The following PVT1 variants were observed in gnomAD, a reference collection of about 807,000 sequenced individuals.
PVT1 encodes CXCR4/PVT1 fusion.
chr8:128,007,514 G>C (rs926418780), intron 4 of PVT1, among the ~76,000 whole-genome samples: 4 of 152,002 alleles, frequency 2.6e-5, no homozygotes, highest in African/African-American at 9.7e-5. Context: ...GAAAAGATAA[G>C]TTGTAGTACC....
At chr8:127,930,000 A>T (rs932624420) in intron 3 of PVT1, among the ~76,000 whole-genome samples, 3 of 152,164 alleles carry the variant, frequency 2.0e-5, no homozygotes, top group African/African-American at 7.2e-5. Context: ...AGAAAAATAC[A>T]CATGGAAGTA....
intron 2 of PVT1, among the ~76,000 whole-genome samples, chr8:127,860,858 C>T (rs1437993723): frequency 6.6e-6 from 1 of 151,720 alleles, no homozygotes; most frequent in Non-Finnish European, 1.5e-5. Flanking sequence ...GGCCATTTCT[C>T]TCCCTCCTAC....
At chr8:127,814,795 A>C (rs1288002361) in intron 2 of PVT1, among the ~76,000 whole-genome samples, 1 of 152,024 alleles carries the variant, frequency 6.6e-6, no homozygotes, top group Non-Finnish European at 1.5e-5. Context: ...ATTTTTCATC[A>C]TTCCAAACTG....
At chr8:128,023,403 C>G (rs546300857) in intron 4 of PVT1, among the ~76,000 whole-genome samples, 3 of 152,184 alleles carry the variant, frequency 2.0e-5, no homozygotes, top group Non-Finnish European at 2.9e-5. Flanking sequence ...TACTTGACCA[C>G]GCAGATATAT....
intron 3 of PVT1, among the ~76,000 whole-genome samples, chr8:127,939,271 CCT>C (rs1314735394): frequency 6.6e-6 from 1 of 152,192 alleles, no homozygotes; most frequent in Non-Finnish European, 1.5e-5. Flanking sequence ...GGCCCTGTAC[CCT>C]GATATGGGAT....
chr8:127,901,936 G>T (rs1047876308), intron 3 of PVT1, among the ~76,000 whole-genome samples: 1 of 150,112 alleles, frequency 6.7e-6, no homozygotes, highest in Non-Finnish European at 1.5e-5. Flanking sequence ...GAAAAATATC[G>T]TTAGAAATAG....
chr8:127,965,360 A>G (rs183835218), intron 3 of PVT1, among the ~76,000 whole-genome samples: 2 of 152,292 alleles, frequency 1.3e-5, no homozygotes, highest in Non-Finnish European at 2.9e-5. Context: ...TGGCAGATTC[A>G]TCAGAGCCTC....
At chr8:128,029,627 C>A (rs982763891) in intron 4 of PVT1, among the ~76,000 whole-genome samples, 1 of 152,048 alleles carries the variant, frequency 6.6e-6, no homozygotes, top group Non-Finnish European at 1.5e-5. Context: ...TGGTGAAACA[C>A]CGTCTTTACT....
chr8:127,999,354 G>C (rs894106746), intron 4 of PVT1: 6 of 152,050 alleles, frequency 3.9e-5, no homozygotes, highest in African/African-American at 1.2e-4. Context: ...ATGAATCCAT[G>C]TGCATGCACG....
At chr8:128,036,627 C>T (rs1284181369) in intron 4 of PVT1, among the ~76,000 whole-genome samples, 1 of 152,162 alleles carries the variant, frequency 6.6e-6, no homozygotes, top group Non-Finnish European at 1.5e-5. Flanking sequence ...CTGATCCTCC[C>T]GTCACTGCAG....
At chr8:127,890,481 A>T (rs887372045) in intron 2 of PVT1, 1 of 152,278 alleles carries the variant, frequency 6.6e-6, no homozygotes, top group Non-Finnish European at 1.5e-5. Flanking sequence ...AATTATTTTT[A>T]GTGAGTTACA....
chr8:128,098,479 C>T (rs572884836), intron 6 of PVT1, among the ~76,000 whole-genome samples: 1 of 152,324 alleles, frequency 6.6e-6, no homozygotes, highest in South Asian at 2.1e-4. Flanking sequence ...GACTAAACCT[C>T]ACCATCCGGT....
At chr8:127,974,592 T>A (rs1398639536) in intron 3 of PVT1, among the ~76,000 whole-genome samples, 1 of 150,856 alleles carries the variant, frequency 6.6e-6, no homozygotes, top group Non-Finnish European at 1.5e-5. Context: ...CTTTTGTATT[T>A]TTTAGTAGAG....
intron 4 of PVT1, among the ~76,000 whole-genome samples, chr8:128,007,987 G>A (rs4733826): frequency 0.65 from 98,347 of 152,130 alleles, 32,200 homozygotes; most frequent in African/African-American, 0.73. Context: ...TGTCTGAGGA[G>A]GCTGGAAATT....
intron 4 of PVT1, among the ~76,000 whole-genome samples, chr8:128,036,984 G>C (rs1813470664): frequency 6.6e-6 from 1 of 152,184 alleles, no homozygotes; most frequent in African/African-American, 2.4e-5. Flanking sequence ...TGGGACATTT[G>C]GGATGATTTT....
intron 2 of PVT1, among the ~76,000 whole-genome samples, chr8:127,797,114 G>T (rs911997705): frequency 6.6e-6 from 1 of 152,020 alleles, no homozygotes; most frequent in African/African-American, 2.4e-5. Flanking sequence ...CCAGCCTCAG[G>T]TGATCCGCCC....
intron 3 of PVT1, among the ~76,000 whole-genome samples, chr8:127,920,327 C>CT (rs1816041525): frequency 6.6e-6 from 1 of 152,218 alleles, no homozygotes; most frequent in Non-Finnish European, 1.5e-5. Context: ...TAAAAGCAAA[C>CT]TGAGTGAGGC....
chr8:128,070,821 C>T (rs1371659948), intron 5 of PVT1, among the ~76,000 whole-genome samples: 2 of 152,158 alleles, frequency 1.3e-5, no homozygotes, highest in Non-Finnish European at 2.9e-5. Context: ...ATTCTTCCCC[C>T]TGCCATGGAC....
chr8:128,009,931 G>C (rs1229961948), intron 4 of PVT1, among the ~76,000 whole-genome samples: 2 of 152,200 alleles, frequency 1.3e-5, no homozygotes, highest in Non-Finnish European at 2.9e-5. Flanking sequence ...GCTCAATACA[G>C]CATGATTTCA....
Sources: gnomAD v4.1 joint callset for allele counts (sites outside exome capture counted in the v4.1 genomes callset) on GRCh38, gnomAD v4.1.1 for gene constraint, MANE v1.5 for transcripts, NCBI Gene and HGNC (gene_info 2026-07-23, HGNC 2026-07-21) for gene names.